NAV3: variants seen among roughly 807,000 people sequenced by gnomAD.
NAV3 encodes pore membrane and/or filament interacting like protein 1.
NAV3 carries 87 observed loss-of-function variants against 244.7 expected under a neutral mutation model. The ratio of observed to expected loss-of-function variants is 0.36; its 90% CI spans 0.30 to 0.42. The LOEUF is 0.42. Among genes scored for constraint, NAV3 ranks in the 20% least tolerant of loss-of-function variants. NAV3 has a pLI of 1.00. For missense variants in NAV3, 2,663 were observed against 2,893.3 expected (o/e 0.92, Z 1.83); for synonymous variants, 1,126 against 1,042.2 (o/e 1.08, Z -1.55).
chr12:77,857,135 C>T (rs1433137780), intron 1 of NAV3, among the ~76,000 whole-genome samples: 1 of 152,060 alleles, frequency 6.6e-6, no homozygotes, highest in Non-Finnish European at 1.5e-5. Flanking sequence ...TGGAATCCAA[C>T]TGTTTTACAT....
intron 12 of NAV3, among the ~76,000 whole-genome samples, chr12:78,110,625 G>C (rs1566145821): frequency 6.6e-6 from 1 of 151,734 alleles, no homozygotes; most frequent in African/African-American, 2.4e-5. Context: ...AGCCAAAACA[G>C]CATGGTATTT....
intron 2 of NAV3, among the ~76,000 whole-genome samples, chr12:77,599,793 G>A: frequency 6.6e-6 from 1 of 151,688 alleles, no homozygotes; most frequent in Admixed American, 6.6e-5. Flanking sequence ...ATAAAATACT[G>A]TGAGACATAT....
At chr12:78,147,094 T>C (rs981696125) in intron 21 of NAV3, among the ~76,000 whole-genome samples, 18 of 152,090 alleles carry the variant, frequency 1.2e-4, no homozygotes, top group African/African-American at 4.3e-4. Flanking sequence ...TAACAACAGC[T>C]TTTGCAAAAG....
At chr12:78,131,908 C>G (rs745537188) in intron 18 of NAV3, among the ~76,000 whole-genome samples, 1 of 152,082 alleles carries the variant, frequency 6.6e-6, no homozygotes, top group South Asian at 2.1e-4. Context: ...TGAGCTTTGT[C>G]TACATTTAAT....
chr12:78,033,685 A>G (rs1327957415), intron 9 of NAV3, among the ~76,000 whole-genome samples: 1 of 152,160 alleles, frequency 6.6e-6, no homozygotes, highest in Admixed American at 6.5e-5. Flanking sequence ...TTGAACAAAG[A>G]GACAGAAACC....
chr12:77,647,456 TTTTTTGTTTTG>T (rs1872652246), intron 2 of NAV3, among the ~76,000 whole-genome samples: 1 of 152,064 alleles, frequency 6.6e-6, no homozygotes, highest in Non-Finnish European at 1.5e-5. Context: ...AGCATGCTTT[TTTTTTGTTTTG>T]TTTTTGTTTT....
At chr12:77,613,006 G>A (rs560726137) in intron 2 of NAV3, among the ~76,000 whole-genome samples, 16 of 152,174 alleles carry the variant, frequency 1.1e-4, no homozygotes, top group African/African-American at 2.6e-4. Context: ...CCCTTCCGCC[G>A]TGATTGTAAG....
chr12:77,777,779 T>C (rs1870439705), intron 2 of NAV3, among the ~76,000 whole-genome samples: 1 of 151,646 alleles, frequency 6.6e-6, no homozygotes, highest in Non-Finnish European at 1.5e-5. Flanking sequence ...TCACCAAAAA[T>C]GTTAGTAATT....
intron 2 of NAV3, among the ~76,000 whole-genome samples, chr12:77,812,409 T>A (rs987310719): frequency 3.3e-5 from 5 of 152,204 alleles, no homozygotes; most frequent in African/African-American, 1.2e-4. Flanking sequence ...TCTTTCTTTT[T>A]TTTTTTAACT....
chr12:77,831,734 T>C, intron 1 of NAV3, 30 bp downstream of exon 1: 1 of 1,562,868 alleles, frequency 6.4e-7, no homozygotes, highest in Non-Finnish European at 8.6e-7. Context: ...TGCAGACTTG[T>C]GTAGCTAAAA....
At position 78,185,588 on chromosome 12, in the gene NAV3, T is replaced by G; in HGVS notation, c.5693-13T>G. The G allele has an allele frequency of 1.2e-6, 2 of 1,604,640 alleles. No homozygotes were observed. Among genetic ancestry groups the G allele is most frequent in the Non-Finnish European group, 1.7e-6 (2 of 1,174,758 alleles). ...TATACTGTTGTGTATGTCTTTCTTT[T>G]AAAATTTGATAGATATTTTGCTAGA... is the stretch of plus-strand genomic sequence containing the variant. On this transcript the variant is annotated splice_polypyrimidine_tract_variant and intron_variant, in intron 30 of 39. Coordinates refer to ENST00000397909, the MANE Select transcript of NAV3 (RefSeq NM_001024383.2).
intron 2 of NAV3, among the ~76,000 whole-genome samples, chr12:77,766,565 A>C (rs1869762760): frequency 6.6e-6 from 1 of 152,084 alleles, no homozygotes; most frequent in African/African-American, 2.4e-5. Flanking sequence ...AAATGTATTG[A>C]TAGATTTGTA....
intron 9 of NAV3, among the ~76,000 whole-genome samples, chr12:78,043,783 T>C (rs1280194232): frequency 6.6e-6 from 1 of 152,220 alleles, no homozygotes; most frequent in Non-Finnish European, 1.5e-5. Flanking sequence ...ATGGGGTTGT[T>C]TTTTTCTTGT....
intron 1 of NAV3, among the ~76,000 whole-genome samples, chr12:77,868,755 C>CAAAAA (rs35998964): frequency 1.9e-5 from 2 of 103,640 alleles, no homozygotes; most frequent in East Asian, 2.8e-4. Flanking sequence ...GACTCCATCT[C>CAAAAA]AAAAAAAAAA....
At chr12:77,894,145 G>C (rs1884288507) in intron 1 of NAV3, among the ~76,000 whole-genome samples, 1 of 152,114 alleles carries the variant, frequency 6.6e-6, no homozygotes, top group African/African-American at 2.4e-5. Flanking sequence ...TTGGTTTGTT[G>C]ATGTTGGAAC....
chr12:77,844,376 G>A (rs1420617373), intron 1 of NAV3, among the ~76,000 whole-genome samples: 3 of 152,106 alleles, frequency 2.0e-5, no homozygotes, highest in Non-Finnish European at 4.4e-5. Context: ...ATCATTTAAA[G>A]GCCCAACCTG....
rs200668270 is a variant in NAV3 at position 77,831,183 on chromosome 12, GAGAGAGAGAGAC to G, written c.-267_-256del. On this transcript the variant is annotated 5_prime_UTR_variant, in exon 1 of 40. Transcript: ENST00000397909. The stretch of plus-strand genomic sequence containing the variant: ...AGAGAGAGAGACAGAGAGAGAGAGA[GAGAGAGAGAGAC>G]AGAGAGAGAGAGAGAGAGAGAGAAA... The G allele has an allele frequency of 7.3e-5, 10 of 137,550 alleles. 1 individual carries two copies. The highest frequency in any genetic ancestry group is 7.7e-5 in the Non-Finnish European group (5 of 65,262). 8.5% of individuals were successfully genotyped at this position (137,550 alleles called of 1,614,324 possible).
At chr12:78,119,152 CATTCACATTTT>C in intron 14 of NAV3, 74 bp from the exon 15 acceptor site, 1 of 1,216,588 alleles carries the variant, frequency 8.2e-7, no homozygotes, top group Admixed American at 2.3e-5. Flanking sequence ...TATAAAGAAG[CATTCACATTTT>C]ACACATTGTT....
chr12:77,907,995 C>A (rs1886175517), intron 1 of NAV3, among the ~76,000 whole-genome samples: 1 of 151,992 alleles, frequency 6.6e-6, no homozygotes, highest in Admixed American at 6.6e-5. Flanking sequence ...AAAGTGATTG[C>A]CACAGAATTT....
Sources: allele counts gnomAD v4.1 joint callset (sites outside exome capture counted in the v4.1 genomes callset), GRCh38; gene constraint gnomAD v4.1.1; transcripts MANE v1.5; gene names NCBI Gene and HGNC (gene_info 2026-07-23, HGNC 2026-07-21).